The following CNTN3 variants were observed in gnomAD, a reference collection of about 807,000 sequenced individuals.
CNTN3 encodes contactin-3.
In CNTN3, 60 loss-of-function variants were observed where a neutral mutation model predicts 119.1. The ratio of observed to expected loss-of-function variants is 0.50; its 90% CI spans 0.41 to 0.62. CNTN3 has a LOEUF of 0.62. Among genes scored for constraint, CNTN3 ranks in the 20% least tolerant of loss-of-function variants. The probability of loss-of-function intolerance (pLI) is 0.00; values close to 1 mark genes in which losing one functional copy is unlikely to be tolerated. For missense variants in CNTN3, 1,101 were observed against 1,242.4 expected (o/e 0.89, Z 1.71); for synonymous variants, 450 against 438.7 (o/e 1.03, Z -0.32).
Position 74,301,451 on chromosome 3 carries a change from A to G in CNTN3, c.2042T>C (p.Ile681Thr). Reference sequence around the variant, plus strand: ...GGGTAAACTTGGTTCTCCACCTCCAATTTTGTTACTGGCTACAACCCGAAA... The same window carrying G: ...GGGTAAACTTGGTTCTCCACCTCCAGTTTTGTTACTGGCTACAACCCGAAA... ...YEFRVVASNK[I>T]GGGEPSLPSE... Residue 681 changes from isoleucine to threonine, a missense_variant, in exon 16 of 23, where the codon ATT becomes ACT. Coordinates refer to ENST00000263665, the MANE Select transcript of CNTN3 (RefSeq NM_020872.3). 1 of 1,614,046 alleles carries G rather than the reference A, an allele frequency of 6.2e-7. No homozygotes were observed. Among genetic ancestry groups the G allele is most frequent in the Non-Finnish European group, 8.5e-7 (1 of 1,179,966 alleles).
intron 1 of CNTN3, among the ~76,000 whole-genome samples, chr3:74,600,568 A>G (rs1410974688): frequency 6.6e-6 from 1 of 152,000 alleles, no homozygotes; most frequent in Non-Finnish European, 1.5e-5. Flanking sequence ...TTTTGAATGA[A>G]AGTTAAAAGC....
chr3:74,341,997 A>C (rs1343446236), intron 11 of CNTN3, among the ~76,000 whole-genome samples: 1 of 152,162 alleles, frequency 6.6e-6, no homozygotes, highest in Non-Finnish European at 1.5e-5. Flanking sequence ...CGTAATGATT[A>C]AACTGCTGTG....
At chr3:74,583,812 C>T (rs1704552503) in intron 1 of CNTN3, among the ~76,000 whole-genome samples, 1 of 152,138 alleles carries the variant, frequency 6.6e-6, no homozygotes, top group African/African-American at 2.4e-5. Context: ...ATTTTTCCTG[C>T]TTGTTTTCCA....
rs570373096 is a variant in CNTN3 at position 74,511,656 on chromosome 3, G to A, written c.55+9402C>T. On this transcript the variant is annotated intron_variant, in intron 2 of 22. Transcript: ENST00000263665. ...TACACTTCAGCTTGGGTGATGAAGT[G>A]AGACCCCTGTCTCTAAAAACAAACA... is the stretch of plus-strand genomic sequence containing the variant. Among the ~76,000 whole-genome samples the A allele has an allele frequency of 1.4e-4, 21 of 152,146 alleles. No homozygotes were observed. The South Asian group carries it at 3.7e-3, about 27-fold the overall frequency.
chr3:74,469,423 CAG>C (rs1223608338), intron 4 of CNTN3, among the ~76,000 whole-genome samples: 1 of 152,124 alleles, frequency 6.6e-6, no homozygotes, highest in Non-Finnish European at 1.5e-5. Context: ...ATCAGACCCA[CAG>C]AATGGTGGGA....
At chr3:74,572,083 A>C (rs78108697) in intron 1 of CNTN3, among the ~76,000 whole-genome samples, 1 of 142,056 alleles carries the variant, frequency 7.0e-6, no homozygotes, top group Non-Finnish European at 1.5e-5. Flanking sequence ...AAAATACTTT[A>C]TCATTTTTCA....
At chr3:74,273,262 C>T (rs1253569029) in intron 20 of CNTN3, among the ~76,000 whole-genome samples, 1 of 152,204 alleles carries the variant, frequency 6.6e-6, no homozygotes, top group Non-Finnish European at 1.5e-5. Context: ...CTTTTCACTT[C>T]CCCAAGACAC....
intron 5 of CNTN3, among the ~76,000 whole-genome samples, chr3:74,398,669 G>A (rs1013361762): frequency 6.6e-6 from 1 of 152,142 alleles, no homozygotes; most frequent in Non-Finnish European, 1.5e-5. Flanking sequence ...CTTTTAAAAT[G>A]TGTGTCAAAC....
chr3:74,441,297 A>C (rs1371377156), intron 4 of CNTN3, among the ~76,000 whole-genome samples: 1 of 152,166 alleles, frequency 6.6e-6, no homozygotes, highest in Non-Finnish European at 1.5e-5. Context: ...ATGGAAATAA[A>C]TATTATGATA....
At chr3:74,352,262 T>C (rs1489602634) in intron 11 of CNTN3, among the ~76,000 whole-genome samples, 1 of 152,228 alleles carries the variant, frequency 6.6e-6, no homozygotes, top group African/African-American at 2.4e-5. Context: ...TTTACATCCC[T>C]TCCTTTGAGA....
chr3:74,544,611 G>A (rs1217968070), intron 1 of CNTN3, among the ~76,000 whole-genome samples: 1 of 151,884 alleles, frequency 6.6e-6, no homozygotes, highest in Non-Finnish European at 1.5e-5. Context: ...GGGGAAAGCA[G>A]TGCGGGGGAC....
chr3:74,591,128 A>G (rs1238009472), intron 1 of CNTN3, among the ~76,000 whole-genome samples: 1 of 151,976 alleles, frequency 6.6e-6, no homozygotes, highest in Non-Finnish European at 1.5e-5. Flanking sequence ...AGATTATATT[A>G]CAAATTAATG....
chr3:74,598,473 T>G (rs1704849340), intron 1 of CNTN3, among the ~76,000 whole-genome samples: 1 of 152,086 alleles, frequency 6.6e-6, no homozygotes, highest in African/African-American at 2.4e-5. Flanking sequence ...AAGTAAATTT[T>G]TAAAAATTAT....
At chr3:74,319,050 T>A (rs974198085) in intron 13 of CNTN3, among the ~76,000 whole-genome samples, 1 of 152,200 alleles carries the variant, frequency 6.6e-6, no homozygotes, top group African/African-American at 2.4e-5. Flanking sequence ...TCCTTGCTCA[T>A]GGGTAGGAAG....
At chr3:74,449,547 T>G (rs976651245) in intron 4 of CNTN3, among the ~76,000 whole-genome samples, 1 of 152,130 alleles carries the variant, frequency 6.6e-6, no homozygotes, top group Non-Finnish European at 1.5e-5. Context: ...GAAGGGGTTT[T>G]GGATCTATTA....
chr3:74,442,885 G>A (rs1417794823), intron 4 of CNTN3, among the ~76,000 whole-genome samples: 2 of 152,146 alleles, frequency 1.3e-5, no homozygotes, highest in Admixed American at 6.5e-5. Context: ...ACTTGTCCAA[G>A]GTCACACAGT....
chr3:74,405,888 C>T (rs1015473994), intron 5 of CNTN3, among the ~76,000 whole-genome samples: 3 of 152,020 alleles, frequency 2.0e-5, no homozygotes, highest in Non-Finnish European at 2.9e-5. Flanking sequence ...TTCATGAGTT[C>T]TCAGAAGATA....
At chr3:74,284,723 G>T (rs544573653) in intron 20 of CNTN3, among the ~76,000 whole-genome samples, 19 of 152,302 alleles carry the variant, frequency 1.2e-4, no homozygotes, top group African/African-American at 4.1e-4. Flanking sequence ...TAATATAATT[G>T]TAACTCATGA....
chr3:74,461,218 G>T (rs967937648), intron 4 of CNTN3, among the ~76,000 whole-genome samples: 8 of 151,920 alleles, frequency 5.3e-5, no homozygotes, highest in Admixed American at 5.3e-4. Flanking sequence ...ATTTGGTCAT[G>T]ATGTATAAAT....
Sources: allele counts gnomAD v4.1 joint callset (sites outside exome capture counted in the v4.1 genomes callset), GRCh38; gene constraint gnomAD v4.1.1; transcripts MANE v1.5; gene names NCBI Gene and HGNC (gene_info 2026-07-23, HGNC 2026-07-21).